ACSF2: variants seen among roughly 807,000 people sequenced by gnomAD.
ACSF2 encodes medium-chain acyl-CoA ligase ACSF2, mitochondrial.
Under a neutral mutation model 79.3 loss-of-function variants are expected in ACSF2, and 52 were observed. The ratio of observed to expected loss-of-function variants is 0.66; its 90% CI spans 0.53 to 0.83. ACSF2 has a LOEUF of 0.83. Among genes scored for constraint, ACSF2 ranks in the 40% least tolerant of loss-of-function variants. The pLI is 0.00. For synonymous variants in ACSF2, 283 were observed against 312.6 expected (o/e 0.91, Z 1.00); for missense variants, 661 against 803.3 (o/e 0.82, Z 2.14).
At chr17:50,469,080 G>T (rs1047573192) in intron 10 of ACSF2, 13 of 1,226,438 alleles carry the variant, frequency 1.1e-5, no homozygotes, top group African/African-American at 1.6e-5. Flanking sequence ...CGTGGCCCCC[G>T]AGCCCCGAGC....
In ACSF2 at chr17:50,426,314, CG is replaced by C; in HGVS notation, c.58del (p.Val20CysfsTer81). 6 of 1,416,032 alleles carry C rather than the reference CG, an allele frequency of 4.2e-6. No individual in the cohort carries two copies. Among genetic ancestry groups the C allele is most frequent in the Admixed American group, 2.7e-5 (1 of 36,794 alleles). 87.7% of individuals were successfully genotyped at this position (1,416,032 alleles called of 1,614,324 possible). ...CTGGGGAGGCTGTGCGCCGGGAGCT[CG>C]GGGGTGCTGGGGGCCCGGGCCGCCC... The part of the protein sequence containing the change: ...LRLGRLCAGS[S>X]GVLGARAALS... On this transcript the variant is annotated frameshift_variant, in exon 1 of 16. Coordinates refer to ENST00000300441, the MANE Select transcript of ACSF2 (RefSeq NM_025149.6). LOFTEE classifies it high-confidence loss of function.
intron 12 of ACSF2, 141 bp downstream of exon 12, chr17:50,472,720 A>G: frequency 9.9e-7 from 1 of 1,009,114 alleles, no homozygotes; most frequent in Non-Finnish European, 1.4e-6. Context: ...TTAATTTCCA[A>G]AATGTATACG....
chr17:50,448,107 TCAAGTG>T (rs2031417865), intron 1 of ACSF2, among the ~76,000 whole-genome samples: 1 of 151,988 alleles, frequency 6.6e-6, no homozygotes, highest in African/African-American at 2.4e-5. Flanking sequence ...GCAAACATCA[TCAAGTG>T]CACTTACACA....
intron 1 of ACSF2, among the ~76,000 whole-genome samples, chr17:50,446,736 C>A (rs889540257): frequency 4.6e-5 from 7 of 152,180 alleles, no homozygotes; most frequent in Admixed American, 3.3e-4. Flanking sequence ...CTATTTTGTA[C>A]GTATAAATGG....
chr17:50,474,529 A>G lies in ACSF2; in HGVS notation c.1825A>G (p.Met609Val). ...CCAGAAATTCAAACTTCGAGAGCAG[A>G]TGGAACGACATCTAAATCTGTGAAT... ...KIQKFKLREQMERHLNL is the reference protein window; with the variant it reads ...KIQKFKLREQVERHLNL Residue 609 changes from methionine (M) to valine (V), a missense_variant, in exon 16 of 16, where the codon ATG (methionine) becomes GTG (valine). By Grantham distance (21) the Met-to-Val change is conservative (BLOSUM62 1). Coordinates refer to ENST00000300441, the MANE Select transcript of ACSF2 (RefSeq NM_025149.6). The surrounding 1 kb of genome is among the most constrained non-coding windows in gnomAD (Gnocchi z 4.2). 1 of 1,614,228 alleles carries G rather than the reference A, an allele frequency of 6.2e-7. No homozygotes were observed. The highest frequency in any genetic ancestry group is 8.5e-7 in the Non-Finnish European group (1 of 1,180,038).
At chr17:50,428,010 C>G (rs1237905100) in intron 1 of ACSF2, among the ~76,000 whole-genome samples, 4 of 152,184 alleles carry the variant, frequency 2.6e-5, no homozygotes, top group African/African-American at 7.2e-5. Context: ...TGATTTCTCT[C>G]CTACTTTCCC....
rs1598428074 is a variant in ACSF2 at position 50,465,953 on chromosome 17, C to G, written c.1215+1659C>G. 3 of 1,515,342 alleles carry G rather than the reference C, an allele frequency of 2.0e-6. No individual in the cohort carries two copies. The East Asian group carries it at 6.8e-5, about 34-fold the overall frequency. 93.9% of individuals were successfully genotyped at this position (1,515,342 alleles called of 1,614,324 possible). A position where few individuals can be genotyped will look rare whatever the true frequency, so the allele number is the denominator to read the frequency against. ...CACCCGAGTGCCAGAGGGGCAGGAT[C>G]CTTCCCTGAACCTGAGCCATAGCAC... On this transcript the variant is annotated intron_variant, in intron 10 of 15. Coordinates refer to ENST00000300441, the MANE Select transcript of ACSF2 (RefSeq NM_025149.6).
At position 50,462,400 on chromosome 17, in the gene ACSF2, A is replaced by C. The variant is rs1395188733; in HGVS notation, c.627-20A>C. 1 of 1,602,202 alleles carries C rather than the reference A, an allele frequency of 6.2e-7. No individual in the cohort carries two copies. Among genetic ancestry groups the C allele is most frequent in the African/African-American group, 1.4e-5 (1 of 71,282 alleles). ...CCCCCTCCCTCAGCCCCTGTCTCTC[A>C]CCATCGTCCCCAACCCCAGGCTCCC... On this transcript the variant is annotated intron_variant, in intron 5 of 15. Coordinates refer to ENST00000300441, the MANE Select transcript of ACSF2 (RefSeq NM_025149.6).
intron 2 of ACSF2, 84 bp from the exon 3 acceptor site, chr17:50,461,157 CT>C: frequency 6.3e-7 from 1 of 1,586,820 alleles, no homozygotes; most frequent in Non-Finnish European, 8.6e-7. Flanking sequence ...GTGATGAGAA[CT>C]CCGGGCTAAG....
At chr17:50,466,059 G>A (rs983876669) in intron 10 of ACSF2, among the ~76,000 whole-genome samples, 2 of 149,826 alleles carry the variant, frequency 1.3e-5, no homozygotes, top group Admixed American at 6.7e-5. Flanking sequence ...CTTTGAGACA[G>A]ATGGTGTTAT....
At chr17:50,455,318 T>A (rs1305864328) in intron 1 of ACSF2, among the ~76,000 whole-genome samples, 2 of 152,204 alleles carry the variant, frequency 1.3e-5, no homozygotes, top group Non-Finnish European at 2.9e-5. Flanking sequence ...AGGTGAGCTT[T>A]AGAAAGGAGA....
chr17:50,461,491 G>A (rs976342223), intron 3 of ACSF2, 121 bp downstream of exon 3: 2 of 1,586,986 alleles, frequency 1.3e-6, no homozygotes, highest in Admixed American at 1.7e-5. Context: ...ACCAGGTAGT[G>A]CTTTCTCCTG....
In ACSF2 at chr17:50,471,761, G is replaced by T. The variant is rs1056704827; in HGVS notation, c.1323+626G>T. The T allele has an allele frequency of 6.3e-6, 1 of 157,980 alleles. No homozygotes were observed. Among genetic ancestry groups the T allele is most frequent in the Non-Finnish European group, 1.4e-5 (1 of 71,624 alleles). The allele number at this position is 157,980 out of a possible 1,614,324, so 9.8% of individuals were successfully genotyped here. A position where few individuals can be genotyped will look rare whatever the true frequency, so the allele number is the denominator to read the frequency against. On this transcript the variant is annotated intron_variant, in intron 11 of 15. Transcript: ENST00000300441. This position sits in a 1 kb window ranked among gnomAD's most constrained non-coding sequence, Gnocchi z 4.1. ...ACAAGCAGCTGCTTCCCCTGGGGCT[G>T]ACCGCTGTCCTGGCGTGAATCTGCC...
At chr17:50,444,550 G>A (rs1270850800) in intron 1 of ACSF2, among the ~76,000 whole-genome samples, 1 of 150,740 alleles carries the variant, frequency 6.6e-6, no homozygotes, top group Non-Finnish European at 1.5e-5. Context: ...TGAGACTCCG[G>A]CCCAAAAAAA....
rs554843170 is a variant in ACSF2, at chr17:50,464,125, A to G, written c.1139-93A>G. On this transcript the variant is annotated intron_variant, in intron 9 of 15. Coordinates refer to ENST00000300441, the MANE Select transcript of ACSF2 (RefSeq NM_025149.6). The stretch of plus-strand genomic sequence containing the variant: ...GAAAGGCTCGGGGTCAGAGGAGAAA[A>G]GGGAATGTTCCTCCCCTGAATGAGC... The G allele has an allele frequency of 1.3e-5, 19 of 1,426,280 alleles. 1 individual carries two copies. The South Asian group carries it at 2.2e-4, about 16-fold the overall frequency. 88.4% of individuals were successfully genotyped at this position (1,426,280 alleles called of 1,614,324 possible).
chr17:50,461,139 C>CA (rs1230162294), intron 2 of ACSF2, 103 bp from the exon 3 acceptor site: 5 of 1,536,286 alleles, frequency 3.3e-6, no homozygotes, highest in Non-Finnish European at 4.4e-6. Flanking sequence ...CCTTTGTCCC[C>CA]AGTGACTGTG....
intron 1 of ACSF2, among the ~76,000 whole-genome samples, chr17:50,434,512 A>G (rs2143505623): frequency 6.6e-6 from 1 of 151,210 alleles, no homozygotes; most frequent in Middle Eastern, 3.4e-3. Context: ...CATGACGAAA[A>G]CCCATCTCTA....
At chr17:50,468,398 G>C in intron 10 of ACSF2, 1 of 1,614,202 alleles carries the variant, frequency 6.2e-7, no homozygotes, top group Non-Finnish European at 8.5e-7. Context: ...CAACCCCCGG[G>C]GCAGCTCAGT....
chr17:50,426,418 G>T (rs766784876), intron 1 of ACSF2, 29 bp downstream of exon 1: 10 of 1,299,430 alleles, frequency 7.7e-6, no homozygotes, highest in Non-Finnish European at 9.8e-6. Flanking sequence ...AAGAGAGGGG[G>T]CGGGGCAGTT....
Sources: allele counts gnomAD v4.1 joint callset (sites outside exome capture counted in the v4.1 genomes callset), GRCh38; gene constraint gnomAD v4.1.1; non-coding constraint Gnocchi (gnomAD v3.1); transcripts MANE v1.5; gene names NCBI Gene and HGNC (gene_info 2026-07-23, HGNC 2026-07-21).